CERS4: variants seen among roughly 807,000 people sequenced by gnomAD.
The protein encoded by CERS4 is LAG1 homolog, ceramide synthase 4.
CERS4 carries 65 observed loss-of-function variants against 51.8 expected under a neutral mutation model. That is an observed-to-expected ratio of 1.26 (90% CI 1.03 to 1.54). The LOEUF (loss-of-function observed/expected upper bound fraction) is 1.54, where lower values mean the gene tolerates loss of function less well. Among genes scored for constraint, CERS4 ranks in the 40% most tolerant of loss-of-function variants. The probability of loss-of-function intolerance (pLI) is 0.00; values close to 1 mark genes in which losing one functional copy is unlikely to be tolerated. For missense variants in CERS4, 563 were observed against 500.4 expected, an observed-to-expected ratio of 1.13 and a Z score of -1.19; for synonymous variants, 228 against 208.4, an observed-to-expected ratio of 1.09 and a Z score of -0.81.
intron 2 of CERS4, among the ~76,000 whole-genome samples, chr19:8,243,647 CTTTTTT>C (rs75963706): frequency 1.1e-4 from 16 of 145,104 alleles, no homozygotes; most frequent in Non-Finnish European, 2.0e-4. Flanking sequence ...CAGTCTCTTC[CTTTTTT>C]TTTTTTTTCC....
rs1349987938 is a variant in CERS4 at position 8,238,656 on chromosome 19, G to C, written c.-1-12420G>C. 5 of 919,070 alleles carry C rather than the reference G, an allele frequency of 5.4e-6. No homozygotes were observed. The East Asian group carries it at 4.7e-4, about 87-fold the overall frequency. 56.9% of individuals were successfully genotyped at this position (919,070 alleles called of 1,614,324 possible). Reference sequence around the variant, plus strand: ...TGGGGGATCCTCATGGTCCAGTATTGGTTGTAGGTTTTGAGGGGGCTGACA... The same window carrying C: ...TGGGGGATCCTCATGGTCCAGTATTCGTTGTAGGTTTTGAGGGGGCTGACA... On this transcript the variant is annotated intron_variant, in intron 2 of 11. Coordinates refer to ENST00000251363, the MANE Select transcript of CERS4 (RefSeq NM_024552.3).
rs558568934 is a variant in CERS4, at chr19:8,251,718, C to T, written c.173+469C>T. Among the ~76,000 whole-genome samples, 12 of 151,776 alleles carry T rather than the reference C, an allele frequency of 7.9e-5. No individual in the cohort carries two copies. In the South Asian group the frequency reaches 1.7e-3, roughly 21 times the overall value. On this transcript the variant is annotated intron_variant, in intron 3 of 11. Transcript: ENST00000251363. ...ACTCAGGAGGCTGAGGCAGGAGAATCGCCTGAACCTGGGAGGTGGAGGTTG... is the reference window on the plus strand; with the variant it reads ...ACTCAGGAGGCTGAGGCAGGAGAATTGCCTGAACCTGGGAGGTGGAGGTTG...
At chr19:8,252,351 C>T (rs1969128866) in intron 3 of CERS4, among the ~76,000 whole-genome samples, 2 of 129,676 alleles carry the variant, frequency 1.5e-5, no homozygotes, top group South Asian at 2.7e-4. Flanking sequence ...GCCTGGGCAA[C>T]AAGAGCAAAA....
At chr19:8,218,157 GTTTCA>G (rs1445078046) in intron 2 of CERS4, among the ~76,000 whole-genome samples, 1 of 152,036 alleles carries the variant, frequency 6.6e-6, no homozygotes, top group African/African-American at 2.4e-5. Flanking sequence ...TAGAGATGAG[GTTTCA>G]CCATATTGGC....
chr19:8,231,851 A>ATTTTTTTTTTTTTCTTT (rs1968019989), intron 2 of CERS4, among the ~76,000 whole-genome samples: 1 of 104,424 alleles, frequency 9.6e-6, no homozygotes, highest in African/African-American at 4.2e-5. Context: ...TGTGCCCAGC[A>ATTTTTTTTTTTTTCTTT]TTTTTTTTTT....
intron 2 of CERS4, among the ~76,000 whole-genome samples, chr19:8,246,733 G>A (rs929446544): frequency 6.6e-6 from 1 of 152,068 alleles, no homozygotes; most frequent in Non-Finnish European, 1.5e-5. Context: ...ATGGTGGATA[G>A]AGGGATGGAT....
chr19:8,245,122 A>ACAAAACAAACAAAAACAAAAAAAAAC (rs755450125), intron 2 of CERS4, among the ~76,000 whole-genome samples: 3 of 129,258 alleles, frequency 2.3e-5, no homozygotes, highest in Non-Finnish European at 4.7e-5. Flanking sequence ...AAAAAAAAAA[A>ACAAAACAAACAAAAACAAAAAAAAAC]AAAAAAAAAA....
intron 2 of CERS4, among the ~76,000 whole-genome samples, chr19:8,250,269 C>G (rs985775481): frequency 6.6e-6 from 1 of 152,156 alleles, no homozygotes; most frequent in African/African-American, 2.4e-5. Flanking sequence ...GCCATGGTGC[C>G]CGGCCACGAC....
At chr19:8,211,085 G>A (rs1967067659) in intron 2 of CERS4, among the ~76,000 whole-genome samples, 1 of 152,076 alleles carries the variant, frequency 6.6e-6, no homozygotes, top group South Asian at 2.1e-4. Context: ...ACGCCCGGTG[G>A]GAGTTCAGGG....
At chr19:8,220,156 T>C (rs1568499665) in intron 2 of CERS4, among the ~76,000 whole-genome samples, 1 of 151,132 alleles carries the variant, frequency 6.6e-6, no homozygotes, top group Admixed American at 6.6e-5. Flanking sequence ...CGGCTGTGTG[T>C]CCCCTTATTC....
At chr19:8,212,983 C>G (rs1465426031) in intron 2 of CERS4, among the ~76,000 whole-genome samples, 2 of 152,002 alleles carry the variant, frequency 1.3e-5, no homozygotes, top group Admixed American at 6.6e-5. Flanking sequence ...CTTTACCAAC[C>G]CTGTTCTGTT....
chr19:8,228,685 AT>A (rs879492507), intron 2 of CERS4, among the ~76,000 whole-genome samples: 139 of 144,446 alleles, frequency 9.6e-4, no homozygotes, highest in Non-Finnish European at 1.8e-3. Flanking sequence ...CAAAAAAAAA[AT>A]TTTTTTTTTA....
chr19:8,218,003 C>T (rs1045923640), intron 2 of CERS4, among the ~76,000 whole-genome samples: 7 of 152,118 alleles, frequency 4.6e-5, no homozygotes, highest in African/African-American at 1.4e-4. Flanking sequence ...CTCACTCTGT[C>T]GCCCAGGTTG....
At chr19:8,251,467 A>C (rs1969076598) in intron 3 of CERS4, among the ~76,000 whole-genome samples, 1 of 152,124 alleles carries the variant, frequency 6.6e-6, no homozygotes, top group Non-Finnish European at 1.5e-5. Context: ...GGTTTATAGG[A>C]ACACTGCACT....
Position 8,255,845 on chromosome 19 carries a change from C to A in CERS4, c.434C>A (p.Ser145Tyr). 1 of 1,613,944 alleles carries A rather than the reference C, an allele frequency of 6.2e-7. No individual in the cohort carries two copies. Among genetic ancestry groups the A allele is most frequent in the Non-Finnish European group, 8.5e-7 (1 of 1,180,024 alleles). ...AGCTGGAGGTTTCTCTTCTACCTGTCCTCCTTCGTGGGCGGCCTCTCGGTC... is the reference window on the plus strand; with the variant it reads ...AGCTGGAGGTTTCTCTTCTACCTGTACTCCTTCGTGGGCGGCCTCTCGGTC... ...EASWRFLFYL[S>Y]SFVGGLSVLY... The change falls in exon 6 of 12, where the codon TCC (serine) becomes TAC (tyrosine). Residue 145 changes from serine to tyrosine, a missense_variant. By Grantham distance (144) the Ser-to-Tyr change is moderately radical. Transcript: ENST00000251363.
chr19:8,233,170 T>C (rs1304752080), intron 2 of CERS4, among the ~76,000 whole-genome samples: 1 of 151,514 alleles, frequency 6.6e-6, no homozygotes, highest in African/African-American at 2.4e-5. Context: ...CACACTCGGC[T>C]AATTTTTTTT....
At chr19:8,254,377 T>TA (rs1969257811) in intron 3 of CERS4, 122 bp from the exon 4 acceptor site, 3 of 623,572 alleles carry the variant, frequency 4.8e-6, no homozygotes, top group Admixed American at 2.2e-5. Flanking sequence ...AGCTGTGCTC[T>TA]CTGAGCCTGT....
intron 2 of CERS4, among the ~76,000 whole-genome samples, chr19:8,239,873 G>A (rs572856876): frequency 6.6e-6 from 1 of 152,228 alleles, no homozygotes; most frequent in Non-Finnish European, 1.5e-5. Context: ...AATGTGTCCA[G>A]CCCTGTCTGA....
chr19:8,261,452 G>A (rs1310620725), intron 10 of CERS4: 2 of 564,122 alleles, frequency 3.5e-6, no homozygotes, highest in African/African-American at 3.8e-5. Flanking sequence ...CTTGGGTGGG[G>A]TTCATAGTCA....
Sources: allele counts gnomAD v4.1 joint callset (sites outside exome capture counted in the v4.1 genomes callset), GRCh38; gene constraint gnomAD v4.1.1; transcripts MANE v1.5; gene names NCBI Gene and HGNC (gene_info 2026-07-23, HGNC 2026-07-21).